The following LRP1B variants were observed in gnomAD, a reference collection of about 807,000 sequenced individuals.
The protein encoded by LRP1B is low-density lipoprotein receptor-related protein 1B.
Under a neutral mutation model 556.6 loss-of-function variants are expected in LRP1B, and 217 were observed. The observed-to-expected ratio is 0.39, with a 90% confidence interval of 0.35 to 0.44. The LOEUF (loss-of-function observed/expected upper bound fraction) is 0.44. LRP1B is among the 20% of genes least tolerant of loss of function. The pLI is 1.00. For synonymous variants in LRP1B, 2,047 were observed against 1,865.8 expected (o/e 1.10, Z -2.50); for missense variants, 5,053 against 5,620.8 (o/e 0.90, Z 3.23).
intron 7 of LRP1B, among the ~76,000 whole-genome samples, chr2:141,183,382 G>T (rs1009943318): frequency 6.6e-6 from 1 of 151,994 alleles, no homozygotes; most frequent in Non-Finnish European, 1.5e-5. Context: ...TCCTGCTCCC[G>T]ATAGCTGTTA....
chr2:141,410,505 T>C (rs1690812902), intron 3 of LRP1B, among the ~76,000 whole-genome samples: 1 of 151,662 alleles, frequency 6.6e-6, no homozygotes, highest in South Asian at 2.1e-4. Flanking sequence ...TTTAAGGCAA[T>C]TTTTGTAAAA....
chr2:141,793,623 C>T (rs1695698451), intron 2 of LRP1B, among the ~76,000 whole-genome samples: 1 of 151,878 alleles, frequency 6.6e-6, no homozygotes, highest in South Asian at 2.1e-4. Context: ...GAGCGAATAG[C>T]ATATGAAAAC....
At position 141,228,582 on chromosome 2, in the gene LRP1B, AGTGTGTGT is replaced by A. The variant is rs3063860; in HGVS notation, c.850+593_850+600del. On this transcript the variant is annotated intron_variant, in intron 6 of 90. Coordinates refer to ENST00000389484, the MANE Select transcript of LRP1B (RefSeq NM_018557.3). ...GCATCCCTGGGTGTCTGTGTGTATG[AGTGTGTGT>A]GTGTGTGTGTGTGTGTGTGTATGTG... 1.2e-4 allele frequency among the ~76,000 whole-genome samples: 17 copies of A among 146,398 alleles called. 1 individual carries two copies. In the East Asian group the frequency reaches 1.4e-3, roughly 12 times the overall value.
intron 21 of LRP1B, among the ~76,000 whole-genome samples, chr2:140,915,085 C>A (rs1383814451): frequency 1.3e-5 from 2 of 152,056 alleles, no homozygotes; most frequent in African/African-American, 4.8e-5. Context: ...TCGAAACAGC[C>A]ATTTCCATCA....
intron 2 of LRP1B, among the ~76,000 whole-genome samples, chr2:141,792,441 G>A (rs563457776): frequency 6.6e-6 from 1 of 151,856 alleles, no homozygotes; most frequent in Non-Finnish European, 1.5e-5. Flanking sequence ...GTTAATATAT[G>A]TTTCATCATG....
chr2:140,862,099 C>T (rs1692815591), intron 27 of LRP1B, among the ~76,000 whole-genome samples: 2 of 152,050 alleles, frequency 1.3e-5, no homozygotes, highest in African/African-American at 4.8e-5. Flanking sequence ...AGTTTTAGAC[C>T]AAAGCTTCCT....
intron 2 of LRP1B, among the ~76,000 whole-genome samples, chr2:141,582,291 A>G (rs1477239449): frequency 6.6e-6 from 1 of 152,248 alleles, no homozygotes; most frequent in Non-Finnish European, 1.5e-5. Context: ...AAGCTGTATC[A>G]TTCAAGAATT....
intron 1 of LRP1B, among the ~76,000 whole-genome samples, chr2:142,088,842 G>A (rs746160723): frequency 1.3e-5 from 2 of 151,844 alleles, no homozygotes; most frequent in Non-Finnish European, 2.9e-5. Context: ...GGGCTTGGTG[G>A]TGGGTGCCTG....
chr2:141,643,948 T>C (rs1252100943), intron 2 of LRP1B, among the ~76,000 whole-genome samples: 1 of 151,946 alleles, frequency 6.6e-6, no homozygotes, highest in Non-Finnish European at 1.5e-5. Flanking sequence ...AATATATTTT[T>C]CCCCAGAAAA....
intron 87 of LRP1B, among the ~76,000 whole-genome samples, chr2:140,246,170 T>C (rs902893368): frequency 1.3e-5 from 2 of 151,298 alleles, no homozygotes; most frequent in African/African-American, 4.8e-5. Flanking sequence ...ATAGTCTCTC[T>C]CCTTTTTCAC....
At chr2:141,399,830 G>C (rs1160127382) in intron 3 of LRP1B, among the ~76,000 whole-genome samples, 1 of 152,194 alleles carries the variant, frequency 6.6e-6, no homozygotes, top group Non-Finnish European at 1.5e-5. Flanking sequence ...ATGTTCTACT[G>C]TCTACAGACA....
At chr2:141,899,045 T>C (rs1699539698) in intron 1 of LRP1B, among the ~76,000 whole-genome samples, 1 of 152,158 alleles carries the variant, frequency 6.6e-6, no homozygotes, top group African/African-American at 2.4e-5. Flanking sequence ...TTATGATTTA[T>C]GAGAGCTGAA....
intron 3 of LRP1B, among the ~76,000 whole-genome samples, chr2:141,262,807 G>A (rs996689578): frequency 2.0e-5 from 3 of 151,990 alleles, no homozygotes; most frequent in Admixed American, 1.3e-4. Flanking sequence ...TTTGATGACA[G>A]CAAATCTTGA....
At chr2:140,323,414 AGTGG>A (rs1680266741) in intron 81 of LRP1B, among the ~76,000 whole-genome samples, 1 of 151,950 alleles carries the variant, frequency 6.6e-6, no homozygotes, top group Admixed American at 6.6e-5. Context: ...CTTGTTGATT[AGTGG>A]TAAGAGTCAA....
intron 7 of LRP1B, among the ~76,000 whole-genome samples, chr2:141,175,626 G>A (rs1013158114): frequency 6.6e-6 from 1 of 152,156 alleles, no homozygotes; most frequent in Non-Finnish European, 1.5e-5. Context: ...TGCAGGACTG[G>A]AGCCCTCATG....
intron 41 of LRP1B, among the ~76,000 whole-genome samples, chr2:140,622,987 T>C (rs1683508213): frequency 6.6e-6 from 1 of 152,168 alleles, no homozygotes; most frequent in African/African-American, 2.4e-5. Context: ...AAGTCAGAAA[T>C]GGAGAAATGA....
At chr2:141,414,522 T>C (rs1358455342) in intron 3 of LRP1B, among the ~76,000 whole-genome samples, 1 of 152,172 alleles carries the variant, frequency 6.6e-6, no homozygotes. Flanking sequence ...CAAAGTGGCA[T>C]TTAATTTTTG....
chr2:141,733,328 C>T (rs1224843338), intron 2 of LRP1B, among the ~76,000 whole-genome samples: 1 of 152,010 alleles, frequency 6.6e-6, no homozygotes, highest in East Asian at 1.9e-4. Flanking sequence ...TAAGTGTGTG[C>T]CCACAGAGAA....
At chr2:141,745,057 G>A (rs1014297571) in intron 2 of LRP1B, among the ~76,000 whole-genome samples, 2 of 152,130 alleles carry the variant, frequency 1.3e-5, no homozygotes, top group East Asian at 3.9e-4. Flanking sequence ...CTCTTTGTCT[G>A]TGCTAAGCTG....
Sources: allele counts gnomAD v4.1 joint callset (sites outside exome capture counted in the v4.1 genomes callset), GRCh38; gene constraint gnomAD v4.1.1; transcripts MANE v1.5; gene names NCBI Gene and HGNC (gene_info 2026-07-23, HGNC 2026-07-21).